Variants in ARHGEF38 observed in about 807,000 individuals in gnomAD.
The protein encoded by ARHGEF38 is Rho guanine nucleotide exchange factor (GEF) 38.
In ARHGEF38, 79 loss-of-function variants were observed where a neutral mutation model predicts 79.9. The ratio of observed to expected loss-of-function variants is 0.99; its 90% confidence interval spans 0.82 to 1.19. The LOEUF (loss-of-function observed/expected upper bound fraction) is 1.19. ARHGEF38 is among the 50% of genes most tolerant of loss of function. The pLI, the probability that ARHGEF38 is intolerant of heterozygous loss-of-function variation, is 0.00. For missense variants in ARHGEF38, 962 were observed against 907.2 expected (o/e 1.06, Z -0.78); for synonymous variants, 366 against 328.3 (o/e 1.11, Z -1.24).
chr4:105,617,129 C>A (rs146885234), intron 3 of ARHGEF38, among the ~76,000 whole-genome samples: 142 of 152,228 alleles, frequency 9.3e-4, no homozygotes, highest in African/African-American at 3.3e-3. Context: ...TTTAAAAATT[C>A]AATTCACAGA....
chr4:105,572,927 T>A (rs148116618), intron 1 of ARHGEF38, among the ~76,000 whole-genome samples: 1 of 152,310 alleles, frequency 6.6e-6, no homozygotes, highest in Non-Finnish European at 1.5e-5. Flanking sequence ...ATATTAGCCA[T>A]CCTTATGGGT....
intron 2 of ARHGEF38, among the ~76,000 whole-genome samples, chr4:105,597,199 A>T (rs886242357): frequency 6.6e-6 from 1 of 152,224 alleles, no homozygotes; most frequent in Non-Finnish European, 1.5e-5. Flanking sequence ...AGTAATTATC[A>T]AAATATAGCC....
At chr4:105,558,320 A>C (rs1439358129) in intron 1 of ARHGEF38, among the ~76,000 whole-genome samples, 1 of 152,212 alleles carries the variant, frequency 6.6e-6, no homozygotes, top group African/African-American at 2.4e-5. Flanking sequence ...AGGCCAAATG[A>C]AGAATGGAGT....
chr4:105,577,825 T>C (rs1328149110), intron 1 of ARHGEF38, among the ~76,000 whole-genome samples: 1 of 152,164 alleles, frequency 6.6e-6, no homozygotes, highest in Non-Finnish European at 1.5e-5. Flanking sequence ...TCTCTTTTCT[T>C]GGTTAATCTT....
intron 2 of ARHGEF38, among the ~76,000 whole-genome samples, chr4:105,604,002 T>C (rs537077143): frequency 6.6e-6 from 1 of 152,294 alleles, no homozygotes; most frequent in African/African-American, 2.4e-5. Context: ...ATGTTTACTA[T>C]CTTCATGGGA....
chr4:105,607,235 C>G (rs1443873571), intron 2 of ARHGEF38, among the ~76,000 whole-genome samples: 1 of 152,060 alleles, frequency 6.6e-6, no homozygotes. Flanking sequence ...CCCAGTGTGC[C>G]TTTGCAGATA....
At chr4:105,602,544 A>G (rs1727869035) in intron 2 of ARHGEF38, among the ~76,000 whole-genome samples, 1 of 152,104 alleles carries the variant, frequency 6.6e-6, no homozygotes, top group African/African-American at 2.4e-5. Context: ...AGGCTAATTG[A>G]ATGTTGGAGA....
intron 13 of ARHGEF38, among the ~76,000 whole-genome samples, chr4:105,668,387 T>C (rs967913710): frequency 6.6e-6 from 1 of 151,992 alleles, no homozygotes; most frequent in African/African-American, 2.4e-5. Context: ...GGTTTCACCA[T>C]ATTGGTCAGA....
At chr4:105,558,079 G>T (rs147977062) in intron 1 of ARHGEF38, among the ~76,000 whole-genome samples, 8 of 152,158 alleles carry the variant, frequency 5.3e-5, no homozygotes, top group African/African-American at 1.9e-4. Flanking sequence ...ATTAAGAAAG[G>T]TTATCTTTAT....
At chr4:105,581,231 G>A (rs1726777394) in intron 1 of ARHGEF38, among the ~76,000 whole-genome samples, 1 of 152,036 alleles carries the variant, frequency 6.6e-6, no homozygotes, top group Non-Finnish European at 1.5e-5. Context: ...TACTAGGAGT[G>A]CACCAGTCTT....
intron 1 of ARHGEF38, among the ~76,000 whole-genome samples, chr4:105,569,059 G>A (rs1296444635): frequency 6.6e-6 from 1 of 151,960 alleles, no homozygotes; most frequent in African/African-American, 2.4e-5. Context: ...AATATCAGAG[G>A]GGAACCTTAA....
At chr4:105,630,825 T>G in intron 3 of ARHGEF38, 73 bp from the exon 4 acceptor site, 4 of 1,360,628 alleles carry the variant, frequency 2.9e-6, no homozygotes, top group East Asian at 5.0e-5. Context: ...CGAGTCGACA[T>G]TGTTGAAAAT....
intron 1 of ARHGEF38, among the ~76,000 whole-genome samples, chr4:105,577,099 A>ATTTT (rs58789848): frequency 6.6e-6 from 1 of 150,888 alleles, no homozygotes; most frequent in African/African-American, 2.4e-5. Context: ...TCTTTCTTTA[A>ATTTT]TTTTTTTTAT....
At position 105,552,670 on chromosome 4, in the gene ARHGEF38, G is replaced by A; in HGVS notation, c.-96G>A. On this transcript the variant is annotated 5_prime_UTR_variant, in exon 1 of 14. Transcript: ENST00000420470. ...GAAGCGGTTTAGTTAGAAGGGAGCA[G>A]ATAAACTCGTCACTCTAGTAGCTTT... 2.0e-6 allele frequency: 2 copies of A among 1,023,326 alleles called. No individual in the cohort carries two copies. The highest frequency in any genetic ancestry group is 2.8e-6 in the Non-Finnish European group (2 of 708,550). 63.4% of individuals were successfully genotyped at this position (1,023,326 alleles called of 1,614,324 possible). A position where few individuals can be genotyped will look rare whatever the true frequency, so the allele number is the denominator to read the frequency against.
intron 10 of ARHGEF38, among the ~76,000 whole-genome samples, chr4:105,662,455 A>G (rs527362571): frequency 6.6e-6 from 1 of 152,194 alleles, no homozygotes; most frequent in African/African-American, 2.4e-5. Flanking sequence ...TAGATTTTGA[A>G]TCTTATAAAG....
chr4:105,620,563 A>G (rs1728697448), intron 3 of ARHGEF38, among the ~76,000 whole-genome samples: 1 of 152,216 alleles, frequency 6.6e-6, no homozygotes, highest in Admixed American at 6.5e-5. Flanking sequence ...ACAAGTGAAT[A>G]AAATGTGACT....
At position 105,578,279 on chromosome 4, in the gene ARHGEF38, C is replaced by T. The variant is rs142407222; in HGVS notation, c.197-10969C>T. On this transcript the variant is annotated intron_variant, in intron 1 of 13. Transcript: ENST00000420470. The stretch of plus-strand genomic sequence containing the variant: ...ATTTCTAGTTTTATTCCACTGTGGT[C>T]TGAAAGATAGTTGATATTATTTTGA... Among the ~76,000 whole-genome samples, 64 of 152,154 alleles carry T rather than the reference C, an allele frequency of 4.2e-4. 1 individual carries two copies. The East Asian group carries it at 0.011, about 27-fold the overall frequency.
At chr4:105,657,234 G>A (rs1168783104) in intron 9 of ARHGEF38, among the ~76,000 whole-genome samples, 1 of 152,122 alleles carries the variant, frequency 6.6e-6, no homozygotes, top group Non-Finnish European at 1.5e-5. Flanking sequence ...AGTACCACCT[G>A]AAAGTGTGAT....
intron 6 of ARHGEF38, 136 bp downstream of exon 6, chr4:105,645,523 G>A: frequency 1.3e-6 from 1 of 772,044 alleles, no homozygotes; most frequent in African/African-American, 1.8e-5. Flanking sequence ...AGAAGCTGGA[G>A]AGAAGAGTGT....
Sources: allele counts gnomAD v4.1 joint callset (sites outside exome capture counted in the v4.1 genomes callset), GRCh38; gene constraint gnomAD v4.1.1; transcripts MANE v1.5; gene names NCBI Gene and HGNC (gene_info 2026-07-23, HGNC 2026-07-21).